Variants in IPO9 observed in about 807,000 individuals in gnomAD.
IPO9 encodes the protein importin 9.
IPO9 carries 28 observed loss-of-function variants against 128.6 expected under a neutral mutation model. That is an observed-to-expected ratio of 0.22 (90% CI 0.16 to 0.30). IPO9 has a LOEUF of 0.30. IPO9 is among the 10% of genes least tolerant of loss of function. IPO9 has a pLI of 1.00. For missense variants in IPO9, 935 were observed against 1,293.9 expected (o/e 0.72, Z 4.26); for synonymous variants, 455 against 475.8 (o/e 0.96, Z 0.57).
rs1680796453 is a variant in IPO9, at chr1:201,877,899, G to T, written c.*1845G>T. 2.0e-5 allele frequency: 3 copies of T among 151,948 alleles called. No homozygotes were observed. Among genetic ancestry groups the T allele is most frequent in the African/African-American group, 7.3e-5 (3 of 41,322 alleles). The allele number at this position is 151,948 out of a possible 1,614,324, so 9.4% of individuals were successfully genotyped here. Reference sequence around the variant, plus strand: ...AGATCGCACCATTGCACTACAGCCTGGGCAACAAGAGGAGCGAAACTCTGT... The same window carrying T: ...AGATCGCACCATTGCACTACAGCCTTGGCAACAAGAGGAGCGAAACTCTGT... On this transcript the variant is annotated 3_prime_UTR_variant, in exon 24 of 24. Transcript: ENST00000361565.
Position 201,855,786 on chromosome 1 carries a change from A to G in IPO9, c.974A>G (p.Glu325Gly). 6.2e-7 allele frequency: 1 copy of G among 1,607,300 alleles called. No homozygotes were observed. The highest frequency in any genetic ancestry group is 8.5e-7 in the Non-Finnish European group (1 of 1,178,650). Residue 325 changes from glutamate to glycine, a missense_variant, in exon 10 of 24, where the codon GAA becomes GGA. By Grantham distance (98) the Glu-to-Gly change is moderately conservative (BLOSUM62 -2). Around this residue, in one of 3 missense-constraint regions of IPO9, gnomAD observed 741 missense variants for 1,019.1 expected, o/e 0.73. Coordinates refer to ENST00000361565, the MANE Select transcript of IPO9 (RefSeq NM_018085.5). The part of the protein sequence containing the change: ...EVEDPVDSDG[E>G]VLGFENLVFS... ...TTCTCTTCTGTATTTCCTGCAGGTG[A>G]AGTCCTGGGCTTTGAAAATCTCGTC...
intron 1 of IPO9, among the ~76,000 whole-genome samples, chr1:201,843,116 C>T (rs1252969621): frequency 1.3e-5 from 2 of 152,194 alleles, no homozygotes; most frequent in Non-Finnish European, 2.9e-5. Flanking sequence ...TAGCAAGTAC[C>T]TCTTCCTCAG....
At position 201,875,955 on chromosome 1, in the gene IPO9, A is replaced by C. The variant is rs775103631; in HGVS notation, c.3027A>C (p.Thr1009=). 1.9e-6 allele frequency: 3 copies of C among 1,608,542 alleles called. No individual in the cohort carries two copies. Among genetic ancestry groups the C allele is most frequent in the Non-Finnish European group, 2.6e-6 (3 of 1,174,926 alleles). Residue 1009 remains threonine, a synonymous_variant, in exon 24 of 24, where the codon ACA becomes ACC. Coordinates refer to ENST00000361565, the MANE Select transcript of IPO9 (RefSeq NM_018085.5). ...LYQIDLQAYL[T]DFLCQFAQQP... is the part of the protein sequence containing the mutation. Reference sequence around the variant, plus strand: ...GCTCTTTCCTCCAGGCATATCTCACAGATTTCCTCTGCCAGTTTGCTCAGC... The same window carrying C: ...GCTCTTTCCTCCAGGCATATCTCACCGATTTCCTCTGCCAGTTTGCTCAGC...
At chr1:201,849,891 C>T (rs931438834) in intron 4 of IPO9, among the ~76,000 whole-genome samples, 1 of 152,174 alleles carries the variant, frequency 6.6e-6, no homozygotes, top group Non-Finnish European at 1.5e-5. Flanking sequence ...ATTCATTATT[C>T]AGGTGATTTC....
chr1:201,829,502 C>A, intron 1 of IPO9, 130 bp downstream of exon 1: 4 of 874,418 alleles, frequency 4.6e-6, no homozygotes, highest in Non-Finnish European at 6.2e-6. Flanking sequence ...GAGCAGGAAG[C>A]GAGAGATTGA....
chr1:201,870,878 T>C lies in IPO9; in HGVS notation c.2409+20T>C. Reference sequence around the variant, plus strand: ...ATGCAGGTAAGAGAGCAGTGGGGAGTGGGCTTCCTACTCCCTGGCTGATAG... The same window carrying C: ...ATGCAGGTAAGAGAGCAGTGGGGAGCGGGCTTCCTACTCCCTGGCTGATAG... On this transcript the variant is annotated intron_variant, in intron 18 of 23. Transcript: ENST00000361565. This position sits in a 1 kb window ranked among gnomAD's most constrained non-coding sequence, Gnocchi z 4.9. The C allele has an allele frequency of 6.3e-7, 1 of 1,589,508 alleles. No homozygotes were observed. Among genetic ancestry groups the C allele is most frequent in the Non-Finnish European group, 8.6e-7 (1 of 1,166,172 alleles).
intron 4 of IPO9, among the ~76,000 whole-genome samples, chr1:201,849,608 C>T (rs1286357339): frequency 6.6e-6 from 1 of 152,262 alleles, no homozygotes; most frequent in Non-Finnish European, 1.5e-5. Context: ...GAACTTGGCA[C>T]ATAGGCCCAA....
chr1:201,863,682 T>G, intron 14 of IPO9, 75 bp downstream of exon 14: 1 of 1,324,538 alleles, frequency 7.5e-7, no homozygotes, highest in Admixed American at 2.0e-5. Flanking sequence ...AGTTTTCCAG[T>G]GTATTATGTT....
At chr1:201,844,706 G>A (rs1680094759) in intron 1 of IPO9, among the ~76,000 whole-genome samples, 1 of 152,048 alleles carries the variant, frequency 6.6e-6, no homozygotes. Flanking sequence ...ATCATTTTTA[G>A]CAGTTATTAA....
Position 201,874,363 on chromosome 1 carries a change from T to C in IPO9, c.2824T>C (p.Trp942Arg). The change falls in exon 21 of 24, where the codon TGG becomes CGG. Residue 942 changes from tryptophan (W) to arginine (R), a missense_variant. Physicochemically the swap from Trp to Arg is moderately radical, Grantham distance 101. Coordinates refer to ENST00000361565, the MANE Select transcript of IPO9 (RefSeq NM_018085.5). ...NAARQATPAE[W>R]SQDDSNDMWE... ...CGCTCGCCAGGCCACTCCTGCAGAG[T>C]GGAGTCAAGGTGCACCAGGCCCTTA... 6.2e-7 allele frequency: 1 copy of C among 1,613,534 alleles called. No individual in the cohort carries two copies. Among genetic ancestry groups the C allele is most frequent in the Non-Finnish European group, 8.5e-7 (1 of 1,179,706 alleles).
chr1:201,832,915 T>A (rs1679864525), intron 1 of IPO9, among the ~76,000 whole-genome samples: 1 of 152,228 alleles, frequency 6.6e-6, no homozygotes, highest in Admixed American at 6.5e-5. Context: ...GTCAACTCCC[T>A]GTTAAAAGGA....
chr1:201,855,686 T>A (rs1558220136), intron 9 of IPO9, 97 bp from the exon 10 acceptor site: 21 of 1,076,644 alleles, frequency 2.0e-5, no homozygotes, highest in Non-Finnish European at 2.8e-5. Flanking sequence ...ACTTTAAATA[T>A]TCAGTAATTT....
intron 4 of IPO9, 140 bp from the exon 5 acceptor site, chr1:201,851,964 A>G (rs1472528989): frequency 1.7e-5 from 8 of 483,218 alleles, no homozygotes; most frequent in Non-Finnish European, 3.0e-5. Flanking sequence ...CTTTCACAGA[A>G]TGAGACCACC....
rs1680769110 is a variant in IPO9, at chr1:201,876,583, C to G, written c.*529C>G. 1 of 188,882 alleles carries G rather than the reference C, an allele frequency of 5.3e-6. No individual in the cohort carries two copies. Among genetic ancestry groups the G allele is most frequent in the African/African-American group, 2.3e-5 (1 of 42,578 alleles). 11.7% of individuals were successfully genotyped at this position (188,882 alleles called of 1,614,324 possible). A position where few individuals can be genotyped will look rare whatever the true frequency, so the allele number is the denominator to read the frequency against. On this transcript the variant is annotated 3_prime_UTR_variant, in exon 24 of 24. Coordinates refer to ENST00000361565, the MANE Select transcript of IPO9 (RefSeq NM_018085.5). ...AAGAGCAGCTTCATTCTAAGCCTTT[C>G]CAGTGACCTCAGCCTTGCTTCTCTT... is the stretch of plus-strand genomic sequence containing the variant.
intron 1 of IPO9, among the ~76,000 whole-genome samples, chr1:201,839,809 T>G (rs1420001978): frequency 6.6e-6 from 1 of 152,038 alleles, no homozygotes; most frequent in Non-Finnish European, 1.5e-5. Context: ...TATTGATAAA[T>G]TTGACTACAT....
chr1:201,876,218 G>C lies in IPO9; in HGVS notation c.*164G>C. 1.4e-6 allele frequency: 1 copy of C among 728,164 alleles called. No individual in the cohort carries two copies. The highest frequency in any genetic ancestry group is 2.6e-6 in the Non-Finnish European group (1 of 389,774). 45.1% of individuals were successfully genotyped at this position (728,164 alleles called of 1,614,324 possible). On this transcript the variant is annotated 3_prime_UTR_variant, in exon 24 of 24. Coordinates refer to ENST00000361565, the MANE Select transcript of IPO9 (RefSeq NM_018085.5). The stretch of plus-strand genomic sequence containing the variant: ...GATGACAATTCAGACCAGGCTCACC[G>C]GTGCCGTCACTTAGGAATGCTGGAA...
chr1:201,852,973 C>CT, intron 5 of IPO9, 38 bp from the exon 6 acceptor site: 2 of 1,529,568 alleles, frequency 1.3e-6, no homozygotes, highest in South Asian at 2.2e-5. Flanking sequence ...ACACTCCAGT[C>CT]TCGTGGCTAT....
At position 201,876,014 on chromosome 1, in the gene IPO9, A is replaced by G; in HGVS notation, c.3086A>G (p.Asn1029Ser). 1 of 1,613,962 alleles carries G rather than the reference A, an allele frequency of 6.2e-7. No individual in the cohort carries two copies. Among genetic ancestry groups the G allele is most frequent in the Non-Finnish European group, 8.5e-7 (1 of 1,179,810 alleles). The change falls in exon 24 of 24, where the codon AAT becomes AGT. Residue 1029 changes from asparagine (N) to serine (S), a missense_variant. Around this residue, in one of 3 missense-constraint regions of IPO9, gnomAD observed 188 missense variants for 246.7 expected, o/e 0.76. Coordinates refer to ENST00000361565, the MANE Select transcript of IPO9 (RefSeq NM_018085.5). ...PCYIMFSGHL[N>S]DNERRVLQTI... ...TACATAATGTTTTCAGGCCACCTTA[A>G]TGACAATGAGAGGCGAGTTCTACAG...
rs1024291108 is a variant in IPO9, at chr1:201,883,575, C to G, written c.*7521C>G. 6.6e-6 allele frequency: 1 copy of G among 152,190 alleles called. No homozygotes were observed. Among genetic ancestry groups the G allele is most frequent in the African/African-American group, 2.4e-5 (1 of 41,440 alleles). 9.4% of individuals were successfully genotyped at this position (152,190 alleles called of 1,614,324 possible). The stretch of plus-strand genomic sequence containing the variant: ...ACACAGACCAACACTTCTGAATTTG[C>G]AAGCTTAAGAGCATGTATGAGCAGA... On this transcript the variant is annotated 3_prime_UTR_variant, in exon 24 of 24. Transcript: ENST00000361565.
Sources: allele counts gnomAD v4.1 joint callset (sites outside exome capture counted in the v4.1 genomes callset), GRCh38; gene constraint gnomAD v4.1.1; regional missense constraint gnomAD v4.1.1; non-coding constraint Gnocchi (gnomAD v3.1); transcripts MANE v1.5; gene names NCBI Gene and HGNC (gene_info 2026-07-23, HGNC 2026-07-21).